The following UNC5D variants were observed in gnomAD, a reference collection of about 807,000 sequenced individuals.
UNC5D encodes netrin receptor UNC5D.
UNC5D carries 39 observed loss-of-function variants against 105.4 expected under a neutral mutation model. The observed-to-expected ratio is 0.37, with a 90% CI of 0.29 to 0.48. UNC5D has a LOEUF of 0.48. Among genes scored for constraint, UNC5D ranks in the 20% least tolerant of loss-of-function variants. The pLI is 0.98. For missense variants in UNC5D, 991 were observed against 1,202.4 expected (o/e 0.82, Z 2.60); for synonymous variants, 452 against 450.4 (o/e 1.00, Z -0.04).
At chr8:35,611,373 A>G (rs778245315) in intron 4 of UNC5D, among the ~76,000 whole-genome samples, 6 of 152,192 alleles carry the variant, frequency 3.9e-5, no homozygotes, top group Non-Finnish European at 4.4e-5. Context: ...TGTCACATAG[A>G]GGAATTAAAT....
intron 4 of UNC5D, among the ~76,000 whole-genome samples, chr8:35,604,117 T>C (rs1034062569): frequency 1.3e-5 from 2 of 152,218 alleles, no homozygotes. Context: ...GCTTGTTAGT[T>C]GATGCAGTTT....
At chr8:35,449,805 G>C (rs1249628478) in intron 1 of UNC5D, among the ~76,000 whole-genome samples, 1 of 151,996 alleles carries the variant, frequency 6.6e-6, no homozygotes, top group Non-Finnish European at 1.5e-5. Context: ...ACCCACAGAG[G>C]CTCCTCTACA....
intron 4 of UNC5D, among the ~76,000 whole-genome samples, chr8:35,649,556 T>G (rs976466857): frequency 3.3e-5 from 5 of 152,184 alleles, no homozygotes; most frequent in African/African-American, 1.2e-4. Context: ...CTGGCTCCTT[T>G]TCAATCAACA....
intron 1 of UNC5D, among the ~76,000 whole-genome samples, chr8:35,310,207 A>G (rs1808765762): frequency 6.6e-6 from 1 of 152,154 alleles, no homozygotes; most frequent in Admixed American, 6.6e-5. Flanking sequence ...TGTGGAATTG[A>G]TGTTCTGTTT....
chr8:35,351,655 C>T (rs1191663977), intron 1 of UNC5D, among the ~76,000 whole-genome samples: 1 of 151,990 alleles, frequency 6.6e-6, no homozygotes, highest in African/African-American at 2.4e-5. Flanking sequence ...ATATTTGCCA[C>T]CTTAAAAAAG....
intron 1 of UNC5D, among the ~76,000 whole-genome samples, chr8:35,354,958 T>G (rs1029091032): frequency 2.6e-5 from 4 of 152,156 alleles, no homozygotes; most frequent in Non-Finnish European, 5.9e-5. Flanking sequence ...CACAGTGCTA[T>G]CAGGGTAGTC....
intron 7 of UNC5D, among the ~76,000 whole-genome samples, chr8:35,690,297 T>G (rs1441994802): frequency 1.3e-5 from 2 of 152,080 alleles, no homozygotes; most frequent in Non-Finnish European, 2.9e-5. Flanking sequence ...CAGGATGTAT[T>G]CTGTCCTTTT....
At chr8:35,555,529 T>A (rs778303891) in intron 2 of UNC5D, among the ~76,000 whole-genome samples, 1 of 152,096 alleles carries the variant, frequency 6.6e-6, no homozygotes, top group Non-Finnish European at 1.5e-5. Flanking sequence ...GTACATTGAT[T>A]TAAAATACAA....
At chr8:35,782,625 TC>T (rs1802555403) in intron 16 of UNC5D, among the ~76,000 whole-genome samples, 1 of 151,282 alleles carries the variant, frequency 6.6e-6, no homozygotes, top group African/African-American at 2.4e-5. Flanking sequence ...TGCCTCAGCC[TC>T]CCAAGTAGCT....
chr8:35,409,947 G>A (rs1329367943), intron 1 of UNC5D, among the ~76,000 whole-genome samples: 1 of 148,142 alleles, frequency 6.8e-6, no homozygotes, highest in East Asian at 2.0e-4. Flanking sequence ...TTTAAACATA[G>A]CATACCTGGT....
intron 1 of UNC5D, among the ~76,000 whole-genome samples, chr8:35,380,175 G>A (rs529520331): frequency 4.8e-5 from 7 of 146,034 alleles, no homozygotes; most frequent in Non-Finnish European, 9.0e-5. Flanking sequence ...CAGAGACCAA[G>A]ACGGAGAGAC....
chr8:35,681,406 C>T (rs1825656196), intron 4 of UNC5D, among the ~76,000 whole-genome samples: 1 of 152,158 alleles, frequency 6.6e-6, no homozygotes, highest in Admixed American at 6.5e-5. Context: ...TTTTGTTCAC[C>T]TGGTTTTACC....
intron 1 of UNC5D, among the ~76,000 whole-genome samples, chr8:35,465,717 G>T (rs1180919972): frequency 2.0e-5 from 3 of 152,066 alleles, no homozygotes; most frequent in Non-Finnish European, 4.4e-5. Flanking sequence ...GAATATGTTA[G>T]GTTAGATGGA....
intron 11 of UNC5D, among the ~76,000 whole-genome samples, chr8:35,747,401 A>G (rs1217901752): frequency 6.6e-6 from 1 of 152,208 alleles, no homozygotes; most frequent in Non-Finnish European, 1.5e-5. Flanking sequence ...GGTATCTTTT[A>G]GCACTAAATT....
chr8:35,739,542 C>T (rs1391547967), intron 11 of UNC5D, among the ~76,000 whole-genome samples: 1 of 152,050 alleles, frequency 6.6e-6, no homozygotes, highest in Non-Finnish European at 1.5e-5. Context: ...ATTAGAGTGG[C>T]CCAGAGGAGT....
intron 1 of UNC5D, among the ~76,000 whole-genome samples, chr8:35,307,734 G>A (rs1178791552): frequency 6.6e-6 from 1 of 152,246 alleles, no homozygotes; most frequent in South Asian, 2.1e-4. Context: ...AGTCTTTTGG[G>A]TAGGTGAGGG....
rs758669844 is a variant in UNC5D, at chr8:35,568,233, G to A, written c.458G>A (p.Arg153His). The A allele has an allele frequency of 1.1e-5, 17 of 1,613,868 alleles. No individual in the cohort carries two copies. The highest frequency in any genetic ancestry group is 2.2e-5 in the South Asian group (2 of 91,056). ...TCCAAGAGCAGGAAGGCCTCTGTGC[G>A]CATAGCCTGTAAGTACATTCTGGGT... The part of the protein sequence containing the change: ...GTSKSRKASV[R>H]IAYLRKNFEQ... Residue 153 changes from arginine to histidine, a missense_variant, in exon 3 of 17, where the codon CGC becomes CAC. By Grantham distance (29) the Arg-to-His change is conservative. Around this residue, in one of 3 missense-constraint regions of UNC5D, gnomAD observed 944 missense variants for 1,131.6 expected, o/e 0.83. Transcript: ENST00000404895.
At chr8:35,469,822 G>A (rs1809577134) in intron 1 of UNC5D, among the ~76,000 whole-genome samples, 1 of 152,064 alleles carries the variant, frequency 6.6e-6, no homozygotes, top group Admixed American at 6.6e-5. Flanking sequence ...CATAATTTTT[G>A]TATCTTATGA....
chr8:35,751,493 A>G (rs1394661381), intron 13 of UNC5D, among the ~76,000 whole-genome samples: 1 of 152,212 alleles, frequency 6.6e-6, no homozygotes, highest in Non-Finnish European at 1.5e-5. Flanking sequence ...TTTCAAAGTT[A>G]AACTATAATA....
Sources: gnomAD v4.1 joint callset for allele counts (sites outside exome capture counted in the v4.1 genomes callset) on GRCh38, gnomAD v4.1.1 for gene constraint, gnomAD v4.1.1 regional missense constraint, MANE v1.5 for transcripts, NCBI Gene and HGNC (gene_info 2026-07-23, HGNC 2026-07-21) for gene names.